Variants in ERP29 observed in about 807,000 individuals in gnomAD.
ERP29 encodes the protein endoplasmic reticulum protein 29.
Under a neutral mutation model 21.7 loss-of-function variants are expected in ERP29, and 14 were observed. The observed-to-expected ratio is 0.64, with a 90% CI of 0.43 to 1.01. The LOEUF is 1.01. Among genes scored for constraint, ERP29 ranks in the 50% least tolerant of loss-of-function variants. The pLI, the probability that ERP29 is intolerant of heterozygous loss-of-function variation, is 0.00. For synonymous variants in ERP29, 129 were observed against 139.1 expected (o/e 0.93, Z 0.51); for missense variants, 286 against 327.3 (o/e 0.87, Z 0.97).
intron 1 of ERP29, among the ~76,000 whole-genome samples, chr12:112,018,119 T>C (rs915387720): frequency 6.6e-6 from 1 of 152,090 alleles, no homozygotes; most frequent in Admixed American, 6.6e-5. Flanking sequence ...GCCAGAATTA[T>C]GTCAGCTTGA....
At chr12:112,013,647 G>C (rs1208071226) in intron 1 of ERP29, 38 bp downstream of exon 1, 25 of 1,503,370 alleles carry the variant, frequency 1.7e-5, no homozygotes, top group Non-Finnish European at 2.2e-5. Context: ...AGGTGCCGCC[G>C]GGGCGCCCGG....
intron 1 of ERP29, among the ~76,000 whole-genome samples, chr12:112,017,804 G>A (rs2078021139): frequency 8.6e-6 from 1 of 116,696 alleles, no homozygotes; most frequent in African/African-American, 3.8e-5. Flanking sequence ...TTTTTTTTGA[G>A]GTGGAGTTTC....
intron 1 of ERP29, 23 bp from the exon 2 acceptor site, chr12:112,019,733 T>A: frequency 6.2e-7 from 1 of 1,614,098 alleles, no homozygotes; most frequent in Non-Finnish European, 8.5e-7. Flanking sequence ...AACACCCACT[T>A]GCTCAGCTCT....
Position 112,023,411 on chromosome 12 carries a change from AACTT to A in ERP29, c.*760_*763del, listed in dbSNP as rs2078064321. ...AAATCACTATCACTAAATAAATACTAACTTCTAGAAAGCAGAATAAAGAGCACTT... is the reference window on the plus strand; with the variant it reads ...AAATCACTATCACTAAATAAATACTACTAGAAAGCAGAATAAAGAGCACTT... On this transcript the variant is annotated 3_prime_UTR_variant, in exon 3 of 3. Coordinates refer to ENST00000261735, the MANE Select transcript of ERP29 (RefSeq NM_006817.4). 1 of 152,236 alleles carries A rather than the reference AACTT, an allele frequency of 6.6e-6. No homozygotes were observed. Among genetic ancestry groups the A allele is most frequent in the Non-Finnish European group, 1.5e-5 (1 of 68,042 alleles). 9.4% of individuals were successfully genotyped at this position (152,236 alleles called of 1,614,324 possible).
intron 1 of ERP29, among the ~76,000 whole-genome samples, chr12:112,014,371 G>A (rs2077981841): frequency 2.0e-5 from 3 of 152,228 alleles, no homozygotes; most frequent in Non-Finnish European, 4.4e-5. Flanking sequence ...CTTCTTATCA[G>A]AATCTAATGC....
chr12:112,019,817 A>T lies in ERP29; in HGVS notation c.206A>T (p.Lys69Met). Residue 69 changes from lysine to methionine, a missense_variant, in exon 2 of 3, where the codon AAG becomes ATG. Physicochemically the swap from Lys to Met is moderately conservative, Grantham distance 95. Coordinates refer to ENST00000261735, the MANE Select transcript of ERP29 (RefSeq NM_006817.4). ...KFDTQYPYGE[K>M]QDEFKRLAEN... ...GACACCCAGTACCCCTACGGTGAGA[A>T]GCAGGATGAGTTCAAGCGTCTTGCT... 6.2e-7 allele frequency: 1 copy of T among 1,614,096 alleles called. No homozygotes were observed. The highest frequency in any genetic ancestry group is 2.2e-5 in the East Asian group (1 of 44,880).
chr12:112,014,563 C>T (rs1448028042), intron 1 of ERP29: 3 of 152,226 alleles, frequency 2.0e-5, no homozygotes, highest in Admixed American at 1.3e-4. Flanking sequence ...GCCACTACCT[C>T]CGCCTTTCCC....
intron 1 of ERP29, among the ~76,000 whole-genome samples, chr12:112,014,333 T>G (rs1427884780): frequency 6.6e-6 from 1 of 152,160 alleles, no homozygotes; most frequent in Admixed American, 6.5e-5. Flanking sequence ...TATTGTGAAC[T>G]ACGCATGTGA....
chr12:112,022,682 G>A lies in ERP29; in HGVS notation c.*30G>A, dbSNP rs374346807. ...GCTGTCTGTGATTTTCCAGGGTTTG[G>A]TGGGGGTAGGGAGGGGAGAGTTAAC... On this transcript the variant is annotated 3_prime_UTR_variant, in exon 3 of 3. Transcript: ENST00000261735. 4 of 1,577,660 alleles carry A rather than the reference G, an allele frequency of 2.5e-6. No individual in the cohort carries two copies. Among genetic ancestry groups the A allele is most frequent in the Non-Finnish European group, 1.7e-6 (2 of 1,163,350 alleles).
chr12:112,018,085 C>T (rs935561291), intron 1 of ERP29, among the ~76,000 whole-genome samples: 13 of 151,860 alleles, frequency 8.6e-5, no homozygotes, highest in African/African-American at 2.4e-5. Context: ...GTGCCCAGTC[C>T]AGAACATTGT....
intron 1 of ERP29, chr12:112,019,330 C>G: frequency 3.9e-6 from 1 of 257,870 alleles, no homozygotes; most frequent in South Asian, 4.3e-5. Context: ...TCCATGATGC[C>G]AACTCCTTTG....
intron 1 of ERP29, 70 bp downstream of exon 1, chr12:112,013,679 G>A: frequency 6.9e-7 from 1 of 1,444,048 alleles, no homozygotes; most frequent in Non-Finnish European, 9.2e-7. Context: ...CCCGTGGGGA[G>A]ACGCTGGATT....
At chr12:112,013,630 C>G in intron 1 of ERP29, 21 bp downstream of exon 1, 1 of 1,524,230 alleles carries the variant, frequency 6.6e-7, no homozygotes, top group Non-Finnish European at 8.8e-7. Context: ...CGGGGGACGT[C>G]GCGCGCAGGT....
chr12:112,017,870 C>T (rs902709176), intron 1 of ERP29, among the ~76,000 whole-genome samples: 1 of 150,546 alleles, frequency 6.6e-6, no homozygotes, highest in Non-Finnish European at 1.5e-5. Context: ...CCGCAACCTC[C>T]GCCTCCCAGG....
At chr12:112,016,483 GAATGAATGAAT>G (rs2078013317) in intron 1 of ERP29, among the ~76,000 whole-genome samples, 1 of 152,146 alleles carries the variant, frequency 6.6e-6, no homozygotes, top group South Asian at 2.1e-4. Flanking sequence ...CTCAATGAAC[GAATGAATGAAT>G]AATGAACTTA....
chr12:112,022,869 G>A lies in ERP29; in HGVS notation c.*217G>A. 2 of 574,046 alleles carry A rather than the reference G, an allele frequency of 3.5e-6. No homozygotes were observed. Among genetic ancestry groups the A allele is most frequent in the Non-Finnish European group, 6.2e-6 (2 of 325,046 alleles). The allele number at this position is 574,046 out of a possible 1,614,324, so 35.6% of individuals were successfully genotyped here. A position where few individuals can be genotyped will look rare whatever the true frequency, so the allele number is the denominator to read the frequency against. On this transcript the variant is annotated 3_prime_UTR_variant, in exon 3 of 3. Coordinates refer to ENST00000261735, the MANE Select transcript of ERP29 (RefSeq NM_006817.4). ...GATAGCTGGAGCACTTACTCAGGTGGCTGGTGAAATGACACCTCAGAAGGA... is the reference window on the plus strand; with the variant it reads ...GATAGCTGGAGCACTTACTCAGGTGACTGGTGAAATGACACCTCAGAAGGA...
chr12:112,016,092 TTCTC>T lies in ERP29; in HGVS notation c.144+2488_144+2491del, dbSNP rs534224739. On this transcript the variant is annotated intron_variant, in intron 1 of 2. Transcript: ENST00000261735. ...TTTTTAAAAATCTATTTTGCCATCT[TTCTC>T]TCTCACTGGAATATTATGTGCTCAT... 3.0e-4 allele frequency among the ~76,000 whole-genome samples: 46 copies of T among 152,372 alleles called. 1 individual carries two copies. The South Asian group carries it at 9.5e-3, about 32-fold the overall frequency.
intron 1 of ERP29, among the ~76,000 whole-genome samples, chr12:112,014,017 G>C (rs777157539): frequency 1.6e-4 from 25 of 152,228 alleles, no homozygotes; most frequent in Admixed American, 3.9e-4. Flanking sequence ...GGGGTTGGCG[G>C]GGGGAAATGC....
chr12:112,019,934 A>T (rs2078035737), intron 2 of ERP29, 40 bp downstream of exon 2: 1 of 1,611,446 alleles, frequency 6.2e-7, no homozygotes, highest in South Asian at 1.1e-5. Context: ...GCAGAGAGGG[A>T]GGAAGCTAGA....
Sources: allele counts gnomAD v4.1 joint callset (sites outside exome capture counted in the v4.1 genomes callset), GRCh38; gene constraint gnomAD v4.1.1; transcripts MANE v1.5; gene names NCBI Gene and HGNC (gene_info 2026-07-23, HGNC 2026-07-21).